The following RAPGEF1 variants were observed in gnomAD, a reference collection of about 807,000 sequenced individuals.
RAPGEF1 encodes the protein CRK SH3-binding GNRP.
A neutral mutation model predicts 143.3 loss-of-function variants in RAPGEF1; 33 were observed. The ratio of observed to expected loss-of-function variants is 0.23; its 90% confidence interval spans 0.17 to 0.31. The LOEUF (loss-of-function observed/expected upper bound fraction) is 0.31, where lower values mean the gene tolerates loss of function less well. Among genes scored for constraint, RAPGEF1 ranks in the 10% least tolerant of loss-of-function variants. The pLI is 1.00. For synonymous variants in RAPGEF1, 629 were observed against 676.5 expected (o/e 0.93, Z 1.09); for missense variants, 1,199 against 1,645.4 (o/e 0.73, Z 4.69).
chr9:131,635,416 A>G (rs1966108427), intron 5 of RAPGEF1, among the ~76,000 whole-genome samples: 1 of 149,776 alleles, frequency 6.7e-6, no homozygotes, highest in South Asian at 2.1e-4. Context: ...AATCATTTGA[A>G]AAAAAAAAAA....
In RAPGEF1 at chr9:131,658,372, G is replaced by T. The variant is rs1178726587; in HGVS notation, c.62-7423C>A. The stretch of plus-strand genomic sequence containing the variant: ...CCTTCACCTGGAAATGCCATATGCT[G>T]GTGTATTTTATTGTGATCTATCTAA... On this transcript the variant is annotated intron_variant, in intron 1 of 26. Transcript: ENST00000683357. Among the ~76,000 whole-genome samples, 9 of 152,098 alleles carry T rather than the reference G, an allele frequency of 5.9e-5. 1 individual carries two copies. Among genetic ancestry groups the T allele is most frequent in the Non-Finnish European group, 1.2e-4 (8 of 68,026 alleles).
At chr9:131,634,352 C>T (rs1047188348) in intron 5 of RAPGEF1, among the ~76,000 whole-genome samples, 1 of 152,116 alleles carries the variant, frequency 6.6e-6, no homozygotes, top group Non-Finnish European at 1.5e-5. Flanking sequence ...AAGTCAAAAA[C>T]GGTATTTGGA....
intron 10 of RAPGEF1, among the ~76,000 whole-genome samples, chr9:131,624,490 A>G (rs1962321400): frequency 2.0e-5 from 3 of 152,066 alleles, no homozygotes. Context: ...CCCTCTATAG[A>G]CCCTGCATGA....
intron 13 of RAPGEF1, 51 bp from the exon 14 acceptor site, chr9:131,604,104 G>A (rs1157962485): frequency 1.0e-5 from 12 of 1,188,774 alleles, no homozygotes; most frequent in East Asian, 5.7e-5. Flanking sequence ...CCCTCCAGCC[G>A]GCCCTCACAG....
chr9:131,633,870 C>G (rs1965618213), intron 5 of RAPGEF1, among the ~76,000 whole-genome samples: 1 of 152,190 alleles, frequency 6.6e-6, no homozygotes, highest in Admixed American at 6.5e-5. Flanking sequence ...GAAAGTTGAC[C>G]ATTTATAATT....
At chr9:131,663,153 T>G (rs1291753711) in intron 1 of RAPGEF1, among the ~76,000 whole-genome samples, 2 of 152,106 alleles carry the variant, frequency 1.3e-5, no homozygotes, top group Non-Finnish European at 2.9e-5. Context: ...AAGAATACTA[T>G]GAAGCGAACG....
chr9:131,736,728 A>G (rs1226482988), intron 1 of RAPGEF1, among the ~76,000 whole-genome samples: 1 of 152,216 alleles, frequency 6.6e-6, no homozygotes, highest in African/African-American at 2.4e-5. Flanking sequence ...TGGATGCCTT[A>G]AGCACTGAGA....
At chr9:131,652,245 A>C (rs546440960) in intron 1 of RAPGEF1, among the ~76,000 whole-genome samples, 45 of 152,150 alleles carry the variant, frequency 3.0e-4, no homozygotes, top group African/African-American at 1.1e-3. Context: ...TTTAAAAAAA[A>C]CATTTTTATT....
At chr9:131,615,277 T>G (rs565530808) in intron 12 of RAPGEF1, among the ~76,000 whole-genome samples, 1 of 152,292 alleles carries the variant, frequency 6.6e-6, no homozygotes, top group East Asian at 1.9e-4. Flanking sequence ...GGTTTCACCG[T>G]CTTAGCCGGG....
intron 19 of RAPGEF1, 142 bp downstream of exon 19, chr9:131,589,744 C>A: frequency 1.4e-6 from 1 of 738,586 alleles, no homozygotes; most frequent in Non-Finnish European, 2.3e-6. Context: ...CCTGGTCTAT[C>A]GGGCACAGGC....
intron 1 of RAPGEF1, chr9:131,709,510 C>A: frequency 1.1e-6 from 1 of 941,518 alleles, no homozygotes; most frequent in Non-Finnish European, 1.6e-6. Context: ...CCTGTGCTTT[C>A]TGCTCTGGAA....
chr9:131,628,997 G>T lies in RAPGEF1; in HGVS notation c.893+105C>A. 2.8e-6 allele frequency: 4 copies of T among 1,433,554 alleles called. No individual in the cohort carries two copies. Among genetic ancestry groups the T allele is most frequent in the Non-Finnish European group, 2.8e-6 (3 of 1,075,848 alleles). 88.8% of individuals were successfully genotyped at this position (1,433,554 alleles called of 1,614,324 possible). A position where few individuals can be genotyped will look rare whatever the true frequency, so the allele number is the denominator to read the frequency against. ...CAGCTCCAGAGTCAGCCTCCCAAGG[G>T]GGGCCAAGCCCTCAGCGCTGAGGGG... On this transcript the variant is annotated intron_variant, in intron 7 of 26. Transcript: ENST00000683357. The surrounding 1 kb of genome is among the most constrained non-coding windows in gnomAD (Gnocchi z 5.7).
chr9:131,715,667 C>T (rs1054081554), intron 1 of RAPGEF1, among the ~76,000 whole-genome samples: 1 of 151,802 alleles, frequency 6.6e-6, no homozygotes, highest in Non-Finnish European at 1.5e-5. Context: ...AGATAGAGAC[C>T]ATCCTGGCCA....
At position 131,621,458 on chromosome 9, in the gene RAPGEF1, T is replaced by C. The variant is rs1011714069; in HGVS notation, c.1905+338A>G. Among the ~76,000 whole-genome samples, 1 of 152,128 alleles carries C rather than the reference T, an allele frequency of 6.6e-6. No homozygotes were observed. ...GAGTCCCTCCTTTCTGGGAGGTCTA[T>C]GTTGAAGCCAAAGAAGAAAGAAAAA... On this transcript the variant is annotated intron_variant, in intron 11 of 26. Transcript: ENST00000683357. This position sits in a 1 kb window ranked among gnomAD's most constrained non-coding sequence, Gnocchi z 4.5.
chr9:131,718,084 C>T (rs1168475316), intron 1 of RAPGEF1, among the ~76,000 whole-genome samples: 1 of 152,208 alleles, frequency 6.6e-6, no homozygotes, highest in Non-Finnish European at 1.5e-5. Flanking sequence ...ATCACATGAT[C>T]AGCAAACGGT....
Position 131,688,482 on chromosome 9 carries a change from C to G in RAPGEF1, c.62-37533G>C, listed in dbSNP as rs540472870. Among the ~76,000 whole-genome samples the G allele has an allele frequency of 1.8e-4, 28 of 152,272 alleles. No individual in the cohort carries two copies. The South Asian group carries it at 5.6e-3, about 30-fold the overall frequency. ...ACTTTATACTGCTAAATAAAACGTA[C>G]AAGGGCCTACATTTCTGGCACTCAG... On this transcript the variant is annotated intron_variant, in intron 1 of 26. Transcript: ENST00000683357.
intron 1 of RAPGEF1, among the ~76,000 whole-genome samples, chr9:131,707,560 C>T (rs1229212317): frequency 6.6e-6 from 1 of 152,182 alleles, no homozygotes; most frequent in African/African-American, 2.4e-5. Context: ...TGTGCCTCAG[C>T]CTCCCGAGTA....
At chr9:131,613,091 G>T (rs1468290365) in intron 12 of RAPGEF1, among the ~76,000 whole-genome samples, 1 of 152,224 alleles carries the variant, frequency 6.6e-6, no homozygotes, top group Non-Finnish European at 1.5e-5. Context: ...GATGCTAATA[G>T]CTCCCTTTCC....
At position 131,580,409 on chromosome 9, in the gene RAPGEF1, G is replaced by A. The variant is rs763632678; in HGVS notation, c.3513-18C>T. 3.9e-5 allele frequency: 63 copies of A among 1,611,112 alleles called. 1 individual carries two copies. The highest frequency in any genetic ancestry group is 1.6e-4 in the Middle Eastern group (1 of 6,078). On this transcript the variant is annotated intron_variant, in intron 25 of 26. Coordinates refer to ENST00000683357, the MANE Select transcript of RAPGEF1 (RefSeq NM_001377935.1). ...TCAGCCCCCTGGGAGGACGGGTTAG[G>A]CAGCCTGTTACTGCTACGGGGTTTG...
Sources: allele counts gnomAD v4.1 joint callset (sites outside exome capture counted in the v4.1 genomes callset), GRCh38; gene constraint gnomAD v4.1.1; non-coding constraint Gnocchi (gnomAD v3.1); transcripts MANE v1.5; gene names NCBI Gene and HGNC (gene_info 2026-07-23, HGNC 2026-07-21).